ACAD9: variants seen among roughly 807,000 people sequenced by gnomAD.
The protein encoded by ACAD9 is complex I assembly factor ACAD9, mitochondrial.
Under a neutral mutation model 70.2 loss-of-function variants are expected in ACAD9, and 53 were observed. The observed-to-expected ratio is 0.75, with a 90% CI of 0.61 to 0.95. The LOEUF is 0.95. ACAD9 is among the 40% of genes least tolerant of loss of function. The pLI, the probability that ACAD9 is intolerant of heterozygous loss-of-function variation, is 0.00. For synonymous variants in ACAD9, 313 were observed against 312.1 expected (o/e 1.00, Z -0.03); for missense variants, 777 against 802.8 (o/e 0.97, Z 0.39).
chr3:128,895,901 T>TGCTC (rs1291349538), intron 4 of ACAD9, among the ~76,000 whole-genome samples: 2 of 152,262 alleles, frequency 1.3e-5, no homozygotes, highest in African/African-American at 2.4e-5. Flanking sequence ...ATGCACACCA[T>TGCTC]GCTCGGCTCC....
chr3:128,881,698 C>T (rs1161678113), intron 1 of ACAD9, among the ~76,000 whole-genome samples: 4 of 152,232 alleles, frequency 2.6e-5, no homozygotes, highest in Non-Finnish European at 5.9e-5. Context: ...GCATCTGACA[C>T]CGTTCATCCT....
Position 128,886,015 on chromosome 3 carries a change from T to G in ACAD9, c.244+1269T>G, listed in dbSNP as rs558221052. ...CTGGGTGACAGAGTGTGACTTTGTC[T>G]AAAAAAAAAAAATAAAATATACTGT... On this transcript the variant is annotated intron_variant, in intron 2 of 17. Coordinates refer to ENST00000308982, the MANE Select transcript of ACAD9 (RefSeq NM_014049.5). 1.8e-3 allele frequency among the ~76,000 whole-genome samples: 257 copies of G among 141,026 alleles called. 1 individual carries two copies. The highest frequency in any genetic ancestry group is 3.0e-3 in the Non-Finnish European group (194 of 64,628). The allele number at this position is 141,026 out of a possible 152,430, so 92.5% of individuals were successfully genotyped here.
At chr3:128,904,624 T>C (rs143332279) in intron 11 of ACAD9, 119 bp downstream of exon 11, 19,801 of 1,489,446 alleles carry the variant, frequency 0.013, 178 homozygotes, top group Middle Eastern at 0.029. Flanking sequence ...GATCCAGTAT[T>C]TATGATGCAC....
At chr3:128,892,366 AT>A in intron 2 of ACAD9, among the ~76,000 whole-genome samples, 1 of 152,356 alleles carries the variant, frequency 6.6e-6, no homozygotes, top group Admixed American at 6.5e-5. Context: ...TGACCCATGT[AT>A]ACAAAAATTC....
rs1683776 is a variant in ACAD9, at chr3:128,903,917, G to T, written c.959-145G>T. On this transcript the variant is annotated intron_variant, in intron 9 of 17. Coordinates refer to ENST00000308982, the MANE Select transcript of ACAD9 (RefSeq NM_014049.5). ...GACCCACGGGTGCTGGCAAGTGGGG[G>T]TGCCAGCTTCTGGGGTATTTGACCT... 0.24 allele frequency: 191,873 copies of T among 800,472 alleles called. 25,597 individuals carry two copies. Among genetic ancestry groups the T allele is most frequent in the East Asian group, 0.56 (20,907 of 37,046 alleles). 49.6% of individuals were successfully genotyped at this position (800,472 alleles called of 1,614,324 possible).
intron 7 of ACAD9, among the ~76,000 whole-genome samples, chr3:128,900,547 G>A (rs973833067): frequency 7.0e-6 from 1 of 143,162 alleles, no homozygotes; most frequent in Non-Finnish European, 1.5e-5. Context: ...TTTTTAAATA[G>A]AGATGAGGTC....
At position 128,899,421 on chromosome 3, in the gene ACAD9, T is replaced by C. The variant is rs1286177425; in HGVS notation, c.768T>C (p.Asn256=). 26 of 1,614,114 alleles carry C rather than the reference T, an allele frequency of 1.6e-5. No homozygotes were observed. In the Admixed American group the frequency reaches 3.8e-4, roughly 24 times the overall value. ...AAAGAGACTTTGGTGGAGTCACTAA[T>C]GGGAAACCCGAAGATAAATTAGGCA... The part of the protein sequence containing the change: ...IVERDFGGVT[N]GKPEDKLGIR... The change falls in exon 7 of 18, where the codon AAT becomes AAC. Residue 256 remains asparagine (N), a synonymous_variant. Coordinates refer to ENST00000308982, the MANE Select transcript of ACAD9 (RefSeq NM_014049.5).
chr3:128,898,997 T>C (rs1230804825), intron 6 of ACAD9, among the ~76,000 whole-genome samples: 2 of 152,232 alleles, frequency 1.3e-5, no homozygotes, highest in Non-Finnish European at 2.9e-5. Flanking sequence ...CTTGAAGAAA[T>C]GCAGTTGTCT....
At chr3:128,896,701 C>T (rs1173001060) in intron 5 of ACAD9, among the ~76,000 whole-genome samples, 165 bp downstream of exon 5, 1 of 152,206 alleles carries the variant, frequency 6.6e-6, no homozygotes, top group African/African-American at 2.4e-5. Context: ...TTATCTTGAC[C>T]TTATTTCTCT....
intron 2 of ACAD9, among the ~76,000 whole-genome samples, chr3:128,889,866 G>A (rs1292340644): frequency 6.6e-6 from 1 of 151,842 alleles, no homozygotes; most frequent in African/African-American, 2.4e-5. Flanking sequence ...TTGTTGCCTG[G>A]GCTGGAGTGC....
intron 3 of ACAD9, among the ~76,000 whole-genome samples, chr3:128,893,877 G>A (rs1935493152): frequency 6.6e-6 from 1 of 152,202 alleles, no homozygotes; most frequent in Non-Finnish European, 1.5e-5. Flanking sequence ...TGGCTGTAGA[G>A]TGCAAGGCAC....
chr3:128,905,651 T>C (rs1935865024), intron 11 of ACAD9, among the ~76,000 whole-genome samples: 1 of 152,220 alleles, frequency 6.6e-6, no homozygotes, highest in African/African-American at 2.4e-5. Flanking sequence ...TGCATGTGTT[T>C]TATCATCTCG....
Position 128,902,538 on chromosome 3 carries a change from C to T in ACAD9, c.883-15C>T. ...CTCCTTCAGGGCCCCTGGGCTCTCC[C>T]TGTTCTCCCTGCAGGTGGCCATGAA... On this transcript the variant is annotated splice_polypyrimidine_tract_variant and intron_variant, in intron 8 of 17. Coordinates refer to ENST00000308982, the MANE Select transcript of ACAD9 (RefSeq NM_014049.5). This position sits in a 1 kb window ranked among gnomAD's most constrained non-coding sequence, Gnocchi z 4.0. The T allele has an allele frequency of 3.1e-6, 5 of 1,614,194 alleles. No homozygotes were observed. The highest frequency in any genetic ancestry group is 4.2e-6 in the Non-Finnish European group (5 of 1,179,998).
chr3:128,910,000 T>C (rs1936085494), intron 15 of ACAD9, 21 bp from the exon 16 acceptor site: 1 of 1,612,328 alleles, frequency 6.2e-7, no homozygotes, highest in Admixed American at 1.7e-5. Context: ...GAGTCCCCAC[T>C]TGGAGCCTCT....
chr3:128,896,611 G>T, intron 5 of ACAD9, 75 bp downstream of exon 5: 1 of 1,476,982 alleles, frequency 6.8e-7, no homozygotes, highest in Non-Finnish European at 9.4e-7. Flanking sequence ...AGGGGCTGTT[G>T]GTTTTGTTGA....
chr3:128,910,536 C>T (rs1936167039), intron 16 of ACAD9, among the ~76,000 whole-genome samples: 1 of 152,212 alleles, frequency 6.6e-6, no homozygotes, highest in Non-Finnish European at 1.5e-5. Context: ...TCAGAGGAAA[C>T]AGGGTCAGAG....
intron 13 of ACAD9, 155 bp downstream of exon 13, chr3:128,908,419 G>A: frequency 2.3e-6 from 2 of 876,308 alleles, no homozygotes; most frequent in East Asian, 5.2e-5. Context: ...GTGGTAGTGG[G>A]GGGCTTGCTG....
chr3:128,908,682 G>A (rs1040028135), intron 13 of ACAD9: 97 of 551,172 alleles, frequency 1.8e-4, no homozygotes, highest in Middle Eastern at 4.9e-4. Context: ...AATCACTGCT[G>A]GAGGCCAAGT....
In ACAD9 at chr3:128,904,499, G is replaced by A; in HGVS notation, c.1143G>A (p.Met381Ile). 2 of 1,613,922 alleles carry A rather than the reference G, an allele frequency of 1.2e-6. No homozygotes were observed. The highest frequency in any genetic ancestry group is 1.7e-6 in the Non-Finnish European group (2 of 1,180,014). Residue 381 changes from methionine (M) to isoleucine (I), a missense_variant, in exon 11 of 18, where the codon ATG (methionine) becomes ATA (isoleucine). Physicochemically the swap from Met to Ile is conservative, Grantham distance 10 (BLOSUM62 1). Transcript: ENST00000308982. ...CCGACTGCTCCATCGAGGCAGCCATGGTGAAGGTAACCCTGGCATAGCCAG... is the reference window on the plus strand; with the variant it reads ...CCGACTGCTCCATCGAGGCAGCCATAGTGAAGGTAACCCTGGCATAGCCAG... ...GFPDCSIEAA[M>I]VKVFSSEAAW...
Sources: gnomAD v4.1 joint callset for allele counts (sites outside exome capture counted in the v4.1 genomes callset) on GRCh38, gnomAD v4.1.1 for gene constraint, Gnocchi (gnomAD v3.1) non-coding constraint, MANE v1.5 for transcripts, NCBI Gene and HGNC (gene_info 2026-07-23, HGNC 2026-07-21) for gene names.